The following PCGF5 variants were observed in gnomAD, a reference collection of about 807,000 sequenced individuals.
PCGF5 encodes polycomb group ring finger 5, also known as polycomb group RING finger protein 5.
In PCGF5, 9 loss-of-function variants were observed where a neutral mutation model predicts 44.3. That is an observed-to-expected ratio of 0.20 (90% CI 0.12 to 0.35). The LOEUF is 0.35. Ranked by LOEUF, PCGF5 falls within the 10% of genes least tolerant of loss-of-function variation. The probability of loss-of-function intolerance (pLI) is 1.00; values close to 1 mark genes in which losing one functional copy is unlikely to be tolerated. For missense variants in PCGF5, 146 were observed against 305.3 expected (o/e 0.48, Z 3.89); for synonymous variants, 95 against 102.5 (o/e 0.93, Z 0.44).
Position 91,283,202 on chromosome 10 carries a change from A to G in PCGF5, c.*4886A>G, listed in dbSNP as rs1420552823. ...CTAGTATAATACAGTTTTCATAAAT[A>G]ATGTTTACTTGCTTTCTTTATATTT... On this transcript the variant is annotated 3_prime_UTR_variant, in exon 10 of 10. Coordinates refer to ENST00000336126, the MANE Select transcript of PCGF5 (RefSeq NM_032373.5). 2 of 152,224 alleles carry G rather than the reference A, an allele frequency of 1.3e-5. No homozygotes were observed. The highest frequency in any genetic ancestry group is 4.8e-5 in the African/African-American group (2 of 41,460). 9.4% of individuals were successfully genotyped at this position (152,224 alleles called of 1,614,324 possible).
intron 2 of PCGF5, among the ~76,000 whole-genome samples, chr10:91,238,443 G>GCATGTCACA (rs1425020607): frequency 6.6e-6 from 1 of 152,076 alleles, no homozygotes; most frequent in African/African-American, 2.4e-5. Context: ...CTTGTTCTGG[G>GCATGTCACA]CATGTCACAT....
At chr10:91,212,124 C>G (rs1197651929) in intron 1 of PCGF5, among the ~76,000 whole-genome samples, 1 of 152,172 alleles carries the variant, frequency 6.6e-6, no homozygotes, top group Admixed American at 6.5e-5. Flanking sequence ...TAGCAAAATA[C>G]TGTGTACTTG....
upstream of PCGF5, among the ~76,000 whole-genome samples, chr10:91,162,829 G>C (rs1035508336): frequency 6.7e-6 from 1 of 149,718 alleles, no homozygotes; most frequent in Non-Finnish European, 1.5e-5. Context: ...ACAAACCCAC[G>C]GTAACTCCTC....
Position 91,178,376 on chromosome 10 carries a change from C to T in PCGF5, c.-184+15295C>T, listed in dbSNP as rs899414748. Among the ~76,000 whole-genome samples the T allele has an allele frequency of 4.7e-5, 7 of 150,134 alleles. No individual in the cohort carries two copies. In the Admixed American group the frequency reaches 4.7e-4, roughly 10 times the overall value. On this transcript the variant is annotated intron_variant, in intron 1 of 9. Transcript: ENST00000614189. ...GGTGAGGCAGGGTATTGCTGTTTCT[C>T]TTTCTTTTCTTTTCTTTTCTTTTTT...
At position 91,279,888 on chromosome 10, in the gene PCGF5, A is replaced by G. The variant is rs1419895857; in HGVS notation, c.*1572A>G. On this transcript the variant is annotated 3_prime_UTR_variant, in exon 10 of 10. Coordinates refer to ENST00000336126, the MANE Select transcript of PCGF5 (RefSeq NM_032373.5). ...AATAAGATATTGTACAACTCTAGCA[A>G]ACATACAAAGTACAGCTAAATCTTA... is the stretch of plus-strand genomic sequence containing the variant. 6.6e-6 allele frequency: 1 copy of G among 152,092 alleles called. No individual in the cohort carries two copies. The highest frequency in any genetic ancestry group is 1.5e-5 in the Non-Finnish European group (1 of 67,928). The allele number at this position is 152,092 out of a possible 1,614,324, so 9.4% of individuals were successfully genotyped here.
In PCGF5 at chr10:91,283,834, T is replaced by C. The variant is rs1171726279; in HGVS notation, c.*5518T>C. The C allele has an allele frequency of 1.3e-5, 2 of 152,648 alleles. No individual in the cohort carries two copies. Among genetic ancestry groups the C allele is most frequent in the Non-Finnish European group, 2.9e-5 (2 of 68,044 alleles). 9.5% of individuals were successfully genotyped at this position (152,648 alleles called of 1,614,324 possible). A position where few individuals can be genotyped will look rare whatever the true frequency, so the allele number is the denominator to read the frequency against. ...TAAAGTTATGTTGCTAATTTTCCTT[T>C]GAAATATAAAATATTTTAAGCTTTT... On this transcript the variant is annotated 3_prime_UTR_variant, in exon 10 of 10. Transcript: ENST00000336126.
rs1431245187 is a variant in PCGF5, at chr10:91,278,440, C to T, written c.*124C>T. The T allele has an allele frequency of 7.3e-6, 6 of 818,808 alleles. No homozygotes were observed. The highest frequency in any genetic ancestry group is 1.0e-5 in the Non-Finnish European group (5 of 485,954). The allele number at this position is 818,808 out of a possible 1,614,324, so 50.7% of individuals were successfully genotyped here. On this transcript the variant is annotated 3_prime_UTR_variant, in exon 10 of 10. Transcript: ENST00000336126. The stretch of plus-strand genomic sequence containing the variant: ...CAGATTTTCAGCATGCAAATAAGGC[C>T]ATTGTCTATCTCTAAATTGTCAGTT...
intron 1 of PCGF5, among the ~76,000 whole-genome samples, chr10:91,211,195 C>T (rs1844444994): frequency 6.6e-6 from 1 of 152,178 alleles, no homozygotes; most frequent in African/African-American, 2.4e-5. Flanking sequence ...GAATGTCAGT[C>T]CCTGGCTGTT....
intron 1 of PCGF5, among the ~76,000 whole-genome samples, chr10:91,209,318 G>A (rs1458009142): frequency 6.6e-6 from 1 of 152,164 alleles, no homozygotes; most frequent in African/African-American, 2.4e-5. Context: ...TCAGAAGTCA[G>A]AGGATGGGGC....
chr10:91,184,785 G>A (rs1843888578), intron 1 of PCGF5, among the ~76,000 whole-genome samples: 1 of 152,022 alleles, frequency 6.6e-6, no homozygotes, highest in South Asian at 2.1e-4. Context: ...TGGTTTGCTA[G>A]GGGTCTGCTC....
chr10:91,233,010 C>T (rs959138614), intron 2 of PCGF5, among the ~76,000 whole-genome samples: 3 of 152,022 alleles, frequency 2.0e-5, no homozygotes, highest in African/African-American at 7.3e-5. Flanking sequence ...AGGCAGAGTA[C>T]ATAGAGAGTT....
chr10:91,180,707 A>G (rs1029524898), intron 1 of PCGF5, among the ~76,000 whole-genome samples: 4 of 152,116 alleles, frequency 2.6e-5, no homozygotes, highest in African/African-American at 4.8e-5. Context: ...CCATTGGTCT[A>G]TGTGTCTGTT....
chr10:91,251,747 A>G lies in PCGF5; in HGVS notation c.474+307A>G, dbSNP rs112714260. Among the ~76,000 whole-genome samples, 30 of 151,988 alleles carry G rather than the reference A, an allele frequency of 2.0e-4. 2 individuals are homozygous for G. The highest frequency in any genetic ancestry group is 6.7e-4 in the African/African-American group (28 of 41,510). On this transcript the variant is annotated intron_variant, in intron 6 of 9. Transcript: ENST00000336126. Reference sequence around the variant, plus strand: ...TTTTTTAGAGTGGTGACCAACTTAGACTTAGAGAATTTCATGTCACTGGTA... The same window carrying G: ...TTTTTTAGAGTGGTGACCAACTTAGGCTTAGAGAATTTCATGTCACTGGTA...
chr10:91,195,124 A>T (rs1844103494), intron 1 of PCGF5, among the ~76,000 whole-genome samples: 1 of 152,082 alleles, frequency 6.6e-6, no homozygotes, highest in Non-Finnish European at 1.5e-5. Flanking sequence ...AAAGATGAGA[A>T]ATAGTCCATC....
rs1846444160 is a variant in PCGF5, at chr10:91,281,201, T to C, written c.*2885T>C. On this transcript the variant is annotated 3_prime_UTR_variant, in exon 10 of 10. Coordinates refer to ENST00000336126, the MANE Select transcript of PCGF5 (RefSeq NM_032373.5). ...TAAACTAAAATGCTCATTGATGAGG[T>C]AATACTCAGTCTGGAGTACAGGTAA... 2.0e-5 allele frequency: 3 copies of C among 152,466 alleles called. No individual in the cohort carries two copies. Among genetic ancestry groups the C allele is most frequent in the Admixed American group, 2.0e-4 (3 of 15,276 alleles). 9.4% of individuals were successfully genotyped at this position (152,466 alleles called of 1,614,324 possible).
At chr10:91,245,298 A>C (rs760593161) in intron 3 of PCGF5, among the ~76,000 whole-genome samples, 5 of 152,130 alleles carry the variant, frequency 3.3e-5, no homozygotes, top group Non-Finnish European at 2.9e-5. Context: ...GAAAACTGAG[A>C]ATTCATGGTT....
chr10:91,221,577 A>G (rs970852956), intron 1 of PCGF5, among the ~76,000 whole-genome samples: 1 of 152,186 alleles, frequency 6.6e-6, no homozygotes, highest in Non-Finnish European at 1.5e-5. Context: ...GTATGTGTTG[A>G]TGGAATGCCT....
upstream of PCGF5, among the ~76,000 whole-genome samples, chr10:91,158,902 T>A: frequency 6.6e-6 from 1 of 152,226 alleles, no homozygotes; most frequent in East Asian, 1.9e-4. Context: ...ACTTGTAACC[T>A]AAACAGTTGA....
intron 6 of PCGF5, among the ~76,000 whole-genome samples, chr10:91,252,780 TA>T (rs1354618268): frequency 2.4e-4 from 36 of 152,212 alleles, no homozygotes; most frequent in Admixed American, 2.1e-3. Context: ...AAAGGCTGAA[TA>T]TCTTCTCATA....
Sources: allele counts gnomAD v4.1 joint callset (sites outside exome capture counted in the v4.1 genomes callset), GRCh38; gene constraint gnomAD v4.1.1; transcripts MANE v1.5; gene names NCBI Gene and HGNC (gene_info 2026-07-23, HGNC 2026-07-21).